JAK1: variants seen among roughly 807,000 people sequenced by gnomAD.
JAK1 encodes the protein Janus kinase 1, also known as tyrosine-protein kinase JAK1.
JAK1 carries 16 observed loss-of-function variants against 136.6 expected under a neutral mutation model. The observed-to-expected ratio is 0.12, with a 90% CI of 0.08 to 0.18. The LOEUF (loss-of-function observed/expected upper bound fraction) is 0.18. Among genes scored for constraint, JAK1 ranks in the 10% least tolerant of loss-of-function variants. The pLI is 1.00. For missense variants in JAK1, 859 were observed against 1,450.1 expected (o/e 0.59, Z 6.62); for synonymous variants, 492 against 519.5 (o/e 0.95, Z 0.72).
intron 1 of JAK1, among the ~76,000 whole-genome samples, chr1:65,062,205 A>C (rs1434334442): frequency 6.6e-6 from 1 of 152,150 alleles, no homozygotes; most frequent in Non-Finnish European, 1.5e-5. Flanking sequence ...TCAAACATGT[A>C]CTCAGCACAA....
chr1:64,945,586 TA>T (rs930388572), intron 1 of JAK1, among the ~76,000 whole-genome samples: 8 of 151,674 alleles, frequency 5.3e-5, no homozygotes, highest in African/African-American at 1.9e-4. Flanking sequence ...TTATGTACAA[TA>T]AAAAAAAGAA....
At position 64,838,101 on chromosome 1, in the gene JAK1, T is replaced by C. The variant is rs1241531326; in HGVS notation, c.2971A>G (p.Met991Val). ...TATTGCCGAGAACCCAAATAGTCCA[T>C]CCCCTGAGAGAGAGAAGTAAAAGTC... ...LKYAVQICKG[M>V]DYLGSRQYVH... The change falls in exon 22 of 25, where the codon ATG becomes GTG. Residue 991 changes from methionine to valine, a missense_variant. Around this residue, in one of 4 missense-constraint regions of JAK1, gnomAD observed 409 missense variants for 753.8 expected, o/e 0.54. Coordinates refer to ENST00000342505, the MANE Select transcript of JAK1 (RefSeq NM_002227.4). The C allele has an allele frequency of 1.9e-6, 3 of 1,612,874 alleles. No homozygotes were observed. The highest frequency in any genetic ancestry group is 2.5e-6 in the Non-Finnish European group (3 of 1,179,196).
At position 64,837,858 on chromosome 1, in the gene JAK1, A is replaced by G. The variant is rs1654585252; in HGVS notation, c.3140+74T>C. The G allele has an allele frequency of 1.0e-5, 13 of 1,271,374 alleles. 1 individual carries two copies. The highest frequency in any genetic ancestry group is 3.9e-4 in the Middle Eastern group (2 of 5,182). The allele number at this position is 1,271,374 out of a possible 1,614,324, so 78.8% of individuals were successfully genotyped here. ...CCAGAGGAATGAGACACATTAATAT[A>G]GCCAGAAAGGGCCTATTAAAACAGT... On this transcript the variant is annotated intron_variant, in intron 22 of 24. Transcript: ENST00000342505.
At chr1:65,033,221 C>T (rs367797848) in intron 2 of JAK1, among the ~76,000 whole-genome samples, 19 of 152,288 alleles carry the variant, frequency 1.2e-4, no homozygotes, top group African/African-American at 3.6e-4. Context: ...GTCACTCTTG[C>T]GCTCTCACTG....
At chr1:64,983,038 G>T (rs917364420) in intron 2 of JAK1, among the ~76,000 whole-genome samples, 3 of 152,094 alleles carry the variant, frequency 2.0e-5, no homozygotes, top group African/African-American at 7.3e-5. Flanking sequence ...TGAGAACTGA[G>T]AACCAAAATA....
intron 1 of JAK1, among the ~76,000 whole-genome samples, chr1:64,953,863 T>C (rs909345331): frequency 6.6e-6 from 1 of 152,036 alleles, no homozygotes; most frequent in Non-Finnish European, 1.5e-5. Context: ...TTAGAAGAGA[T>C]GGGGTTTCAC....
intron 1 of JAK1, chr1:65,058,345 T>G: frequency 1.9e-6 from 1 of 530,784 alleles, no homozygotes; most frequent in Non-Finnish European, 3.9e-6. Flanking sequence ...TAAGAGGGTT[T>G]CTGGGTCCCA....
At chr1:64,945,339 A>T (rs1207530058) in intron 1 of JAK1, among the ~76,000 whole-genome samples, 2 of 152,190 alleles carry the variant, frequency 1.3e-5, no homozygotes, top group Admixed American at 1.3e-4. Context: ...CTTTTAACCC[A>T]GCAATTCCAC....
At chr1:64,875,532 T>TA (rs1657348900) in intron 4 of JAK1, among the ~76,000 whole-genome samples, 2 of 152,252 alleles carry the variant, frequency 1.3e-5, no homozygotes, top group South Asian at 4.1e-4. Context: ...AAAAGATGAA[T>TA]AAACTCAGGG....
chr1:65,031,407 T>C (rs576181217), intron 2 of JAK1, among the ~76,000 whole-genome samples: 6 of 152,120 alleles, frequency 3.9e-5, no homozygotes, highest in Non-Finnish European at 7.4e-5. Flanking sequence ...TTCTACAAAA[T>C]AACTGCCCTG....
At chr1:64,988,383 C>T (rs1449883191) in intron 2 of JAK1, among the ~76,000 whole-genome samples, 2 of 152,130 alleles carry the variant, frequency 1.3e-5, no homozygotes, top group Non-Finnish European at 2.9e-5. Context: ...CCATCTGTCT[C>T]CAAAGTTCAT....
chr1:64,922,495 T>TG (rs956722008), intron 1 of JAK1, among the ~76,000 whole-genome samples: 1 of 151,778 alleles, frequency 6.6e-6, no homozygotes, highest in Non-Finnish European at 1.5e-5. Flanking sequence ...AACACATTTT[T>TG]TTTTAAAGCT....
At chr1:64,911,068 G>C (rs780285868) in intron 1 of JAK1, among the ~76,000 whole-genome samples, 7 of 119,420 alleles carry the variant, frequency 5.9e-5, no homozygotes, top group Non-Finnish European at 1.0e-4. Context: ...TGATAAACAA[G>C]AAAATTATTC....
chr1:65,053,167 G>A (rs537342485), intron 1 of JAK1, among the ~76,000 whole-genome samples: 5 of 150,640 alleles, frequency 3.3e-5, no homozygotes, highest in South Asian at 2.1e-4. Context: ...TCAACATGGC[G>A]AAACCCCATC....
In JAK1 at chr1:65,014,846, G is replaced by A. The variant is rs560823438; in HGVS notation, c.-78+29634C>T. ...ACTACAGGCGCCCGCCACCACGCCC[G>A]GCTAATTTTTTTGTACTTTTAGTAG... On this transcript the variant is annotated intron_variant, in intron 2 of 25. Coordinates refer to the JAK1 transcript ENST00000671954. Among the ~76,000 whole-genome samples the A allele has an allele frequency of 6.6e-5, 10 of 152,006 alleles. No homozygotes were observed. In the South Asian group the frequency reaches 1.7e-3, roughly 25 times the overall value.
intron 2 of JAK1, among the ~76,000 whole-genome samples, chr1:65,036,122 T>C (rs1403050965): frequency 1.3e-5 from 2 of 151,994 alleles, no homozygotes; most frequent in Non-Finnish European, 2.9e-5. Context: ...TTGGGATGGA[T>C]AGTGTGATGG....
chr1:64,859,985 A>G (rs919575723), intron 9 of JAK1, 120 bp downstream of exon 9: 9 of 803,616 alleles, frequency 1.1e-5, no homozygotes, highest in African/African-American at 1.7e-5. Context: ...AAAGGAGGAC[A>G]GCCAACAAGT....
At position 65,056,922 on chromosome 1, in the gene JAK1, TTAAAAAAAAAA is replaced by T. The variant is rs1295134838; in HGVS notation, c.-181+10671_-181+10681del. ...CTGACCGCAGACTGAGACTCTTTCT[TTAAAAAAAAAA>T]AAAAAAAAAAAAGTCACAAATGGTT... On this transcript the variant is annotated intron_variant, in intron 1 of 25. Coordinates refer to the JAK1 transcript ENST00000671954. 7.4e-3 allele frequency among the ~76,000 whole-genome samples: 763 copies of T among 103,206 alleles called. 6 individuals carry two copies. Among genetic ancestry groups the T allele is most frequent in the African/African-American group, 0.023 (725 of 30,874 alleles). The allele number at this position is 103,206 out of a possible 152,430, so 67.7% of individuals were successfully genotyped here. A position where few individuals can be genotyped will look rare whatever the true frequency, so the allele number is the denominator to read the frequency against.
chr1:65,008,361 A>C (rs1187117769), intron 2 of JAK1, among the ~76,000 whole-genome samples: 2 of 152,234 alleles, frequency 1.3e-5, no homozygotes, highest in Non-Finnish European at 2.9e-5. Context: ...CTAAGAGATT[A>C]AATTGGAGAA....
Sources: gnomAD v4.1 joint callset for allele counts (sites outside exome capture counted in the v4.1 genomes callset) on GRCh38, gnomAD v4.1.1 for gene constraint, gnomAD v4.1.1 regional missense constraint, MANE v1.5 for transcripts, NCBI Gene and HGNC (gene_info 2026-07-23, HGNC 2026-07-21) for gene names.